The following CEP112 variants were observed in gnomAD, a reference collection of about 807,000 sequenced individuals.
The protein encoded by CEP112 is centrosomal protein 112.
In CEP112, 127 loss-of-function variants were observed where a neutral mutation model predicts 153.0. That is an observed-to-expected ratio of 0.83 (90% confidence interval 0.72 to 0.96). CEP112 has a LOEUF of 0.96. Among genes scored for constraint, CEP112 ranks in the 40% least tolerant of loss-of-function variants. The pLI, the probability that CEP112 is intolerant of heterozygous loss-of-function variation, is 0.00. For synonymous variants in CEP112, 358 were observed against 374.4 expected (o/e 0.96, Z 0.51); for missense variants, 1,089 against 1,101.2 (o/e 0.99, Z 0.16).
At chr17:65,826,151 A>G (rs768005776) in intron 21 of CEP112, 1 of 1,613,786 alleles carries the variant, frequency 6.2e-7, no homozygotes, top group African/African-American at 1.3e-5. Flanking sequence ...CTTCTCTTTG[A>G]GGTTAGATTT....
chr17:65,698,994 C>T (rs2048489839), intron 23 of CEP112, among the ~76,000 whole-genome samples: 1 of 152,206 alleles, frequency 6.6e-6, no homozygotes, highest in Non-Finnish European at 1.5e-5. Context: ...CATTTCCAAT[C>T]CCCTCCACCA....
intron 19 of CEP112, among the ~76,000 whole-genome samples, chr17:65,902,569 T>C (rs1221012670): frequency 6.6e-6 from 1 of 151,948 alleles, no homozygotes; most frequent in Non-Finnish European, 1.5e-5. Flanking sequence ...TTGACACAAA[T>C]GTCTGAACAT....
intron 18 of CEP112, among the ~76,000 whole-genome samples, chr17:65,957,236 C>T (rs141258322): frequency 2.9e-4 from 44 of 151,522 alleles, no homozygotes; most frequent in African/African-American, 7.0e-4. Context: ...CAAAAGTAAA[C>T]GTAAAAAAAT....
intron 21 of CEP112, among the ~76,000 whole-genome samples, chr17:65,807,751 A>G (rs1486168189): frequency 6.6e-6 from 1 of 152,178 alleles, no homozygotes; most frequent in Non-Finnish European, 1.5e-5. Flanking sequence ...AAAGTTTGGG[A>G]GCCTCCACCT....
intron 17 of CEP112, among the ~76,000 whole-genome samples, chr17:65,963,793 C>T (rs1446007313): frequency 2.0e-5 from 3 of 152,126 alleles, no homozygotes; most frequent in Middle Eastern, 3.4e-3. Context: ...AAGAGCATAT[C>T]GTGCATGTTT....
At chr17:65,982,703 C>A (rs187197945) in intron 17 of CEP112, among the ~76,000 whole-genome samples, 121 of 152,320 alleles carry the variant, frequency 7.9e-4, no homozygotes, top group Non-Finnish European at 1.0e-3. Context: ...AGCAATTCCA[C>A]TCCTGGGTAT....
At chr17:66,035,897 C>T (rs2065718767) in intron 12 of CEP112, among the ~76,000 whole-genome samples, 2 of 152,204 alleles carry the variant, frequency 1.3e-5, no homozygotes, top group African/African-American at 4.8e-5. Flanking sequence ...AAAAACTGAG[C>T]TCCCGAAGTG....
At chr17:65,794,853 T>C (rs1470242610) in intron 21 of CEP112, among the ~76,000 whole-genome samples, 2 of 152,170 alleles carry the variant, frequency 1.3e-5, no homozygotes, top group Non-Finnish European at 2.9e-5. Context: ...ACAACTGCAA[T>C]AGTCTTTCAA....
intron 21 of CEP112, among the ~76,000 whole-genome samples, chr17:65,760,570 G>T (rs1333060939): frequency 6.6e-6 from 1 of 152,080 alleles, no homozygotes; most frequent in Admixed American, 6.6e-5. Context: ...CAAATGTTGA[G>T]ACAGCCCTGC....
intron 12 of CEP112, among the ~76,000 whole-genome samples, chr17:66,042,397 C>T (rs6504395): frequency 0.52 from 78,422 of 151,726 alleles, 21,132 homozygotes; most frequent in African/African-American, 0.59. Flanking sequence ...TGATATGATA[C>T]GATGAGAATA....
At chr17:65,684,284 T>G (rs1253995411) in intron 24 of CEP112, among the ~76,000 whole-genome samples, 1 of 152,262 alleles carries the variant, frequency 6.6e-6, no homozygotes, top group African/African-American at 2.4e-5. Flanking sequence ...ATTTTATTTA[T>G]TAGAACATCT....
chr17:65,750,548 C>A (rs1248000293), intron 22 of CEP112, 114 bp downstream of exon 22: 14 of 785,924 alleles, frequency 1.8e-5, no homozygotes, highest in Non-Finnish European at 2.1e-5. Flanking sequence ...GATACCATTC[C>A]ACAAAAAAAA....
At chr17:65,953,922 C>T (rs1599131742) in intron 18 of CEP112, among the ~76,000 whole-genome samples, 1 of 152,188 alleles carries the variant, frequency 6.6e-6, no homozygotes, top group Non-Finnish European at 1.5e-5. Context: ...CTCTATGGCC[C>T]TGTCCACTGT....
intron 24 of CEP112, among the ~76,000 whole-genome samples, chr17:65,659,290 G>GT (rs140687163): frequency 0.013 from 2,041 of 152,260 alleles, 37 homozygotes; most frequent in African/African-American, 0.047. Context: ...TTCTGACCTG[G>GT]TTTGAGGGCA....
rs185052972 is a variant in CEP112 at position 66,068,729 on chromosome 17, G to A, written c.855+1186C>T. The stretch of plus-strand genomic sequence containing the variant: ...TTTATTATTAAATATGTTACTTTGA[G>A]TAAATCTTTGTAACAGACATACCAA... On this transcript the variant is annotated intron_variant, in intron 9 of 26. Transcript: ENST00000535342. Among the ~76,000 whole-genome samples the A allele has an allele frequency of 2.4e-3, 360 of 152,132 alleles. 2 individuals are homozygous for A. The highest frequency in any genetic ancestry group is 8.2e-3 in the African/African-American group (342 of 41,522).
At chr17:65,711,721 C>G (rs1186890903) in intron 23 of CEP112, among the ~76,000 whole-genome samples, 1 of 152,134 alleles carries the variant, frequency 6.6e-6, no homozygotes, top group African/African-American at 2.4e-5. Context: ...AATTTCCATT[C>G]CCTCTATCTC....
At chr17:66,011,188 A>C (rs2064511907) in intron 16 of CEP112, among the ~76,000 whole-genome samples, 1 of 151,726 alleles carries the variant, frequency 6.6e-6, no homozygotes, top group South Asian at 2.1e-4. Context: ...CAGTATTGGG[A>C]AGTATTCTTG....
rs375829482 is a variant in CEP112, at chr17:65,961,647, C to T, written c.1737-49G>A. 5 of 1,512,178 alleles carry T rather than the reference C, an allele frequency of 3.3e-6. No individual in the cohort carries two copies. In the African/African-American group the frequency reaches 7.0e-5, roughly 21 times the overall value. 93.7% of individuals were successfully genotyped at this position (1,512,178 alleles called of 1,614,324 possible). A position where few individuals can be genotyped will look rare whatever the true frequency, so the allele number is the denominator to read the frequency against. On this transcript the variant is annotated intron_variant, in intron 17 of 26. Coordinates refer to ENST00000535342, the MANE Select transcript of CEP112 (RefSeq NM_001199165.4). ...AGAGTTAAAATATAAAAGAGCTAGGCCTGAATGAAAGAACAATATTTAACC... is the reference window on the plus strand; with the variant it reads ...AGAGTTAAAATATAAAAGAGCTAGGTCTGAATGAAAGAACAATATTTAACC...
At chr17:65,966,762 G>C (rs1323272378) in intron 17 of CEP112, among the ~76,000 whole-genome samples, 1 of 152,214 alleles carries the variant, frequency 6.6e-6, no homozygotes, top group Non-Finnish European at 1.5e-5. Context: ...TCTAAAACTA[G>C]TAGTCTCTGC....
Sources: gnomAD v4.1 joint callset for allele counts (sites outside exome capture counted in the v4.1 genomes callset) on GRCh38, gnomAD v4.1.1 for gene constraint, MANE v1.5 for transcripts, NCBI Gene and HGNC (gene_info 2026-07-23, HGNC 2026-07-21) for gene names.